WDR70: variants seen among roughly 807,000 people sequenced by gnomAD.
The protein encoded by WDR70 is WD repeat-containing protein 70.
Under a neutral mutation model 88.6 loss-of-function variants are expected in WDR70, and 53 were observed. The ratio of observed to expected loss-of-function variants is 0.60; its 90% CI spans 0.48 to 0.75. The LOEUF (loss-of-function observed/expected upper bound fraction) is 0.75, where lower values mean the gene tolerates loss of function less well. Among genes scored for constraint, WDR70 ranks in the 30% least tolerant of loss-of-function variants. The pLI, the probability that WDR70 is intolerant of heterozygous loss-of-function variation, is 0.00. For synonymous variants in WDR70, 280 were observed against 270.0 expected, an observed-to-expected ratio of 1.04 and a Z score of -0.36; for missense variants, 610 against 823.2, an observed-to-expected ratio of 0.74 and a Z score of 3.17.
rs564563857 is a variant in WDR70, at chr5:37,553,007, C to T, written c.917+36417C>T. Among the ~76,000 whole-genome samples, 6 of 152,286 alleles carry T rather than the reference C, an allele frequency of 3.9e-5. No individual in the cohort carries two copies. The East Asian group carries it at 7.7e-4, about 20-fold the overall frequency. ...TTCAGCCTGCAAGTTAGCTCAGACT[C>T]GCCTGAGAAAGTTCTCTGCAGATAA... On this transcript the variant is annotated intron_variant, in intron 9 of 17. Transcript: ENST00000265107.
At chr5:37,416,704 T>C (rs1050138255) in intron 5 of WDR70, among the ~76,000 whole-genome samples, 3 of 151,304 alleles carry the variant, frequency 2.0e-5, no homozygotes, top group African/African-American at 7.3e-5. Flanking sequence ...CTCAGCCCCC[T>C]GAGTAACTGA....
rs541916810 is a variant in WDR70 at position 37,637,488 on chromosome 5, C to T, written c.1092+32250C>T. Among the ~76,000 whole-genome samples, 6 of 152,218 alleles carry T rather than the reference C, an allele frequency of 3.9e-5. No individual in the cohort carries two copies. In the East Asian group the frequency reaches 9.6e-4, roughly 24 times the overall value. ...CTTAAGCCCTCATCTCACACACCCA[C>T]ATGCTAACCTGAAAATGGCAAAATT... On this transcript the variant is annotated intron_variant, in intron 10 of 17. Transcript: ENST00000265107.
intron 17 of WDR70, among the ~76,000 whole-genome samples, chr5:37,742,069 T>TCTTTTATG (rs745987886): frequency 8.5e-5 from 13 of 152,202 alleles, no homozygotes; most frequent in Non-Finnish European, 1.5e-4. Context: ...AGCAAATATC[T>TCTTTTATG]CTTTTATGTT....
chr5:37,412,031 A>G (rs1215431984), intron 5 of WDR70, among the ~76,000 whole-genome samples: 2 of 151,954 alleles, frequency 1.3e-5, no homozygotes, highest in East Asian at 3.9e-4. Flanking sequence ...GATTATGATT[A>G]TTTTTCTTAG....
intron 9 of WDR70, among the ~76,000 whole-genome samples, chr5:37,579,592 A>G (rs939487751): frequency 4.1e-4 from 62 of 151,592 alleles, no homozygotes; most frequent in African/African-American, 1.5e-3. Flanking sequence ...CAAAAAAAAA[A>G]AAAAAAAAAA....
intron 9 of WDR70, among the ~76,000 whole-genome samples, chr5:37,526,142 C>G (rs1320721045): frequency 1.3e-5 from 2 of 152,172 alleles, no homozygotes; most frequent in Non-Finnish European, 2.9e-5. Flanking sequence ...ATGAGGCCAG[C>G]ATCATCTTGA....
intron 9 of WDR70, among the ~76,000 whole-genome samples, chr5:37,548,915 A>G (rs892143177): frequency 3.9e-5 from 6 of 151,976 alleles, no homozygotes; most frequent in Admixed American, 3.9e-4. Context: ...TCCTCAGTGT[A>G]TGTTCTTGGC....
chr5:37,534,337 A>G lies in WDR70; in HGVS notation c.917+17747A>G, dbSNP rs72738760. Among the ~76,000 whole-genome samples the G allele has an allele frequency of 1.4e-3, 207 of 152,316 alleles. 1 individual carries two copies. The highest frequency in any genetic ancestry group is 3.5e-3 in the South Asian group (17 of 4,822). The stretch of plus-strand genomic sequence containing the variant: ...TAATTCTCTAAACAACAGTTTAGAT[A>G]AAGTTCCACAGGTGTGACATCTTTT... On this transcript the variant is annotated intron_variant, in intron 9 of 17. Coordinates refer to ENST00000265107, the MANE Select transcript of WDR70 (RefSeq NM_018034.4).
chr5:37,670,005 G>C (rs1446605438), intron 10 of WDR70, among the ~76,000 whole-genome samples: 1 of 152,116 alleles, frequency 6.6e-6, no homozygotes, highest in African/African-American at 2.4e-5. Flanking sequence ...GGTTGCTTAG[G>C]ACTGAAATAT....
rs187861443 is a variant in WDR70, at chr5:37,591,557, A to G, written c.918-13507A>G. On this transcript the variant is annotated intron_variant, in intron 9 of 17. Transcript: ENST00000265107. Reference sequence around the variant, plus strand: ...GTGTAAAAGACTGGATGTGTAATTAAAAACCTTTCCACTATGAAAACTCTA... The same window carrying G: ...GTGTAAAAGACTGGATGTGTAATTAGAAACCTTTCCACTATGAAAACTCTA... Among the ~76,000 whole-genome samples, 7 of 152,332 alleles carry G rather than the reference A, an allele frequency of 4.6e-5. No individual in the cohort carries two copies. In the East Asian group the frequency reaches 1.3e-3, roughly 29 times the overall value.
At chr5:37,450,438 C>G (rs973331238) in intron 7 of WDR70, among the ~76,000 whole-genome samples, 1 of 152,160 alleles carries the variant, frequency 6.6e-6, no homozygotes, top group African/African-American at 2.4e-5. Flanking sequence ...TTTTGTATCT[C>G]TCTACATCCA....
At chr5:37,535,985 T>C (rs1408484834) in intron 9 of WDR70, among the ~76,000 whole-genome samples, 1 of 152,218 alleles carries the variant, frequency 6.6e-6, no homozygotes, top group African/African-American at 2.4e-5. Flanking sequence ...TTTATATAAG[T>C]AATGGATACA....
At chr5:37,426,511 C>G (rs1262949348) in intron 5 of WDR70, among the ~76,000 whole-genome samples, 1 of 152,164 alleles carries the variant, frequency 6.6e-6, no homozygotes, top group Non-Finnish European at 1.5e-5. Context: ...CTTTGAATCT[C>G]TCGTGTAGCT....
chr5:37,660,360 T>C (rs1269052727), intron 10 of WDR70, among the ~76,000 whole-genome samples: 1 of 152,132 alleles, frequency 6.6e-6, no homozygotes, highest in East Asian at 1.9e-4. Flanking sequence ...CCTATATCTA[T>C]TGATTTTATG....
At chr5:37,733,989 T>G (rs1240860544) in intron 17 of WDR70, among the ~76,000 whole-genome samples, 1 of 152,048 alleles carries the variant, frequency 6.6e-6, no homozygotes, top group African/African-American at 2.4e-5. Context: ...CAGCTACATA[T>G]ATGTGTGTTA....
chr5:37,648,436 T>C (rs1414094872), intron 10 of WDR70, among the ~76,000 whole-genome samples: 1 of 152,140 alleles, frequency 6.6e-6, no homozygotes, highest in African/African-American at 2.4e-5. Context: ...TAAAGAGTGA[T>C]GATCACTATG....
intron 12 of WDR70, among the ~76,000 whole-genome samples, chr5:37,701,434 G>C (rs909333505): frequency 1.3e-5 from 2 of 152,088 alleles, no homozygotes; most frequent in South Asian, 4.1e-4. Flanking sequence ...AGATTCAGTT[G>C]TTCTTTTAAT....
chr5:37,516,142 C>T (rs1740878456), intron 8 of WDR70, among the ~76,000 whole-genome samples: 1 of 152,082 alleles, frequency 6.6e-6, no homozygotes, highest in Admixed American at 6.6e-5. Context: ...GATTCTCTTC[C>T]ATTGAAGAAA....
At chr5:37,531,139 A>C (rs1417932407) in intron 9 of WDR70, among the ~76,000 whole-genome samples, 1 of 152,058 alleles carries the variant, frequency 6.6e-6, no homozygotes, top group African/African-American at 2.4e-5. Context: ...ATTTTATTCC[A>C]CTGTGGTATG....
Sources: gnomAD v4.1 joint callset for allele counts (sites outside exome capture counted in the v4.1 genomes callset) on GRCh38, gnomAD v4.1.1 for gene constraint, MANE v1.5 for transcripts, NCBI Gene and HGNC (gene_info 2026-07-23, HGNC 2026-07-21) for gene names.